Variants in BRAF observed in about 807,000 individuals in gnomAD.
BRAF encodes B-Raf proto-oncogene, serine/threonine kinase, also known as serine/threonine-protein kinase B-raf.
BRAF carries 16 observed loss-of-function variants against 104.6 expected under a neutral mutation model. That is an observed-to-expected ratio of 0.15 (90% CI 0.10 to 0.23). The LOEUF (loss-of-function observed/expected upper bound fraction) is 0.23. Among genes scored for constraint, BRAF ranks in the 10% least tolerant of loss-of-function variants. BRAF has a pLI of 1.00. For missense variants in BRAF, 541 were observed against 937.3 expected (o/e 0.58, Z 5.52); for synonymous variants, 310 against 341.6 (o/e 0.91, Z 1.02).
At chr7:140,717,634 CT>C (rs1233822197), downstream of BRAF, among the ~76,000 whole-genome samples, 1 of 152,158 alleles carries the variant, frequency 6.6e-6, no homozygotes. Context: ...GTCACAGCCC[CT>C]GATAAAATTT....
chr7:140,902,068 T>C (rs1202610069), intron 1 of BRAF, among the ~76,000 whole-genome samples: 1 of 152,268 alleles, frequency 6.6e-6, no homozygotes, highest in Non-Finnish European at 1.5e-5. Flanking sequence ...TTTACTGCTC[T>C]TAGCGGATAA....
intron 1 of BRAF, among the ~76,000 whole-genome samples, chr7:140,855,328 T>C (rs1363780669): frequency 6.6e-6 from 1 of 152,128 alleles, no homozygotes; most frequent in Non-Finnish European, 1.5e-5. Flanking sequence ...TCAAGAAAGT[T>C]ACTAAAAGAT....
chr7:140,880,506 T>C (rs944707775), intron 1 of BRAF, among the ~76,000 whole-genome samples: 4 of 152,200 alleles, frequency 2.6e-5, no homozygotes, highest in African/African-American at 4.8e-5. Context: ...AATGGTGCTA[T>C]TTTGACCTCC....
At chr7:140,795,861 T>C (rs897352980) in intron 7 of BRAF, among the ~76,000 whole-genome samples, 3 of 152,284 alleles carry the variant, frequency 2.0e-5, no homozygotes, top group South Asian at 2.1e-4. Flanking sequence ...TCCATCTAGG[T>C]CCTTTTTATT....
chr7:140,813,237 A>G (rs1804473394), intron 3 of BRAF, among the ~76,000 whole-genome samples: 1 of 152,174 alleles, frequency 6.6e-6, no homozygotes, highest in African/African-American at 2.4e-5. Flanking sequence ...AGGGAAAAAT[A>G]TATGAGAGAC....
intron 17 of BRAF, among the ~76,000 whole-genome samples, chr7:140,743,488 C>T (rs1014721488): frequency 9.9e-5 from 15 of 152,112 alleles, no homozygotes; most frequent in African/African-American, 3.6e-4. Flanking sequence ...AAACCAAACA[C>T]CGCATATTCT....
In BRAF at chr7:140,721,745, G is replaced by A. The variant is rs1037721970; in HGVS notation, c.*4749C>T. 3 of 1,504,668 alleles carry A rather than the reference G, an allele frequency of 2.0e-6. No individual in the cohort carries two copies. The highest frequency in any genetic ancestry group is 2.6e-5 in the East Asian group (1 of 39,208). The allele number at this position is 1,504,668 out of a possible 1,614,324, so 93.2% of individuals were successfully genotyped here. On this transcript the variant is annotated 3_prime_UTR_variant, in exon 20 of 20. Coordinates refer to ENST00000644969, the MANE Select transcript of BRAF (RefSeq NM_001374258.1). ...CATGGACTTTCTCTTTCAATGGTGA[G>A]GAATGAAACAAGATACAAGAACCAC...
intron 1 of BRAF, among the ~76,000 whole-genome samples, chr7:140,856,387 A>G (rs1363586026): frequency 1.3e-5 from 2 of 152,162 alleles, no homozygotes; most frequent in African/African-American, 4.8e-5. Flanking sequence ...AAAATTCAGA[A>G]CATTCCTGAA....
intron 19 of BRAF, among the ~76,000 whole-genome samples, chr7:140,729,062 C>CAAAAAAAA (rs764302395): frequency 1.5e-5 from 1 of 65,914 alleles, no homozygotes; most frequent in Non-Finnish European, 3.6e-5. Flanking sequence ...GCTGTCTCTC[C>CAAAAAAAA]AAAAAAAAAA....
At chr7:140,877,587 CCAATA>C (rs1812411127) in intron 1 of BRAF, among the ~76,000 whole-genome samples, 1 of 151,902 alleles carries the variant, frequency 6.6e-6, no homozygotes, top group African/African-American at 2.4e-5. Flanking sequence ...GTTGAAAAGA[CCAATA>C]CAATTTACAA....
At chr7:140,914,992 T>C (rs1444430089) in intron 1 of BRAF, among the ~76,000 whole-genome samples, 1 of 45,558 alleles carries the variant, frequency 2.2e-5, no homozygotes, top group Non-Finnish European at 3.9e-5. Context: ...GAGGTTGCAA[T>C]GAGCCGAGAT....
At chr7:140,793,492 T>C (rs567831091) in intron 8 of BRAF, among the ~76,000 whole-genome samples, 2 of 152,078 alleles carry the variant, frequency 1.3e-5, no homozygotes, top group East Asian at 3.9e-4. Context: ...AATTACAAAA[T>C]TAAAATTTAT....
At chr7:140,837,677 C>T (rs1486787120) in intron 2 of BRAF, among the ~76,000 whole-genome samples, 2 of 152,196 alleles carry the variant, frequency 1.3e-5, no homozygotes, top group Non-Finnish European at 2.9e-5. Flanking sequence ...TTGCCTGGTC[C>T]TTCACACTAC....
chr7:140,861,683 A>G (rs1412290484), intron 1 of BRAF, among the ~76,000 whole-genome samples: 1 of 152,248 alleles, frequency 6.6e-6, no homozygotes, highest in African/African-American at 2.4e-5. Flanking sequence ...AAAAGGCAGA[A>G]AGGGCAGAGA....
At chr7:140,716,412 ACT>A (rs1302364933), downstream of BRAF, among the ~76,000 whole-genome samples, 1 of 152,126 alleles carries the variant, frequency 6.6e-6, no homozygotes, top group Non-Finnish European at 1.5e-5. Flanking sequence ...TGAATGAAAT[ACT>A]CTCTAAATTG....
intron 1 of BRAF, among the ~76,000 whole-genome samples, chr7:140,897,147 A>C (rs1399941782): frequency 6.6e-6 from 1 of 151,946 alleles, no homozygotes; most frequent in Non-Finnish European, 1.5e-5. Flanking sequence ...GTGAATGAGC[A>C]TATGTTTGCC....
chr7:140,875,999 G>A (rs1424620445), intron 1 of BRAF, among the ~76,000 whole-genome samples: 1 of 152,214 alleles, frequency 6.6e-6, no homozygotes, highest in Non-Finnish European at 1.5e-5. Context: ...TGGAAGAGTA[G>A]GTTGAGGAGT....
At chr7:140,878,551 A>C (rs1812516890) in intron 1 of BRAF, among the ~76,000 whole-genome samples, 1 of 148,804 alleles carries the variant, frequency 6.7e-6, no homozygotes. Context: ...AAAGGATCTC[A>C]TGGAGGTAGA....
At chr7:140,760,421 G>GAAAA (rs55872126) in intron 14 of BRAF, among the ~76,000 whole-genome samples, 7 of 111,256 alleles carry the variant, frequency 6.3e-5, no homozygotes, top group Admixed American at 9.9e-5. Flanking sequence ...TTGAGAGAGA[G>GAAAA]AAAAAAAAAA....
Sources: allele counts gnomAD v4.1 joint callset (sites outside exome capture counted in the v4.1 genomes callset), GRCh38; gene constraint gnomAD v4.1.1; transcripts MANE v1.5; gene names NCBI Gene and HGNC (gene_info 2026-07-23, HGNC 2026-07-21).